Variants in IL20 observed in about 807,000 individuals in gnomAD.
IL20 encodes the protein interleukin-20.
Under a neutral mutation model 19.2 loss-of-function variants are expected in IL20, and 22 were observed. The ratio of observed to expected loss-of-function variants is 1.15; its 90% CI spans 0.82 to 1.64. The LOEUF (loss-of-function observed/expected upper bound fraction) is 1.64. Ranked by LOEUF, IL20 falls within the 40% of genes most tolerant of loss-of-function variation. The pLI is 0.00. For missense variants in IL20, 215 were observed against 212.8 expected (o/e 1.01, Z -0.06); for synonymous variants, 70 against 76.2 (o/e 0.92, Z 0.43).
Position 206,865,968 on chromosome 1 carries a change from T to C in IL20, c.116T>C (p.Leu39Pro), listed in dbSNP as rs767929654. ...NLGSCVIATN[L>P]QEIRNGFSEI... ...GGAAGCTGTGTGATCGCCACAAACC[T>C]TCAGGAAATACGAAATGGATTTTCT... Residue 39 changes from leucine (L) to proline (P), a missense_variant, in exon 2 of 6, where the codon CTT (leucine) becomes CCT (proline). Coordinates refer to ENST00000367098, the MANE Select transcript of IL20 (RefSeq NM_018724.4). The surrounding 1 kb of genome is among the most constrained non-coding windows in gnomAD (Gnocchi z 4.1). The C allele has an allele frequency of 6.2e-7, 1 of 1,614,140 alleles. No homozygotes were observed. The highest frequency in any genetic ancestry group is 1.1e-5 in the South Asian group (1 of 91,084).
At position 206,866,345 on chromosome 1, in the gene IL20, A is replaced by G. The variant is rs748425719; in HGVS notation, c.206A>G (p.Glu69Gly). 1.2e-6 allele frequency: 2 copies of G among 1,614,098 alleles called. No individual in the cohort carries two copies. Among genetic ancestry groups the G allele is most frequent in the East Asian group, 2.2e-5 (1 of 44,880 alleles). The change falls in exon 3 of 6, where the codon GAG (glutamate) becomes GGG (glycine). Residue 69 changes from glutamate (E) to glycine (G), a missense_variant. Glu to Gly is a moderately conservative substitution (Grantham distance 98, BLOSUM62 -2). Coordinates refer to ENST00000367098, the MANE Select transcript of IL20 (RefSeq NM_018724.4). ...GACATCAGAATCTTAAGGAGGACTG[A>G]GTCTTTGCAAGACACAAAGGTATGT... Reference protein sequence around the residue: ...NIDIRILRRTESLQDTKPANR... With the variant: ...NIDIRILRRTGSLQDTKPANR...
Position 206,867,446 on chromosome 1 carries a change from T to A in IL20, c.441T>A (p.Ser147Arg), listed in dbSNP as rs771680279. 1 of 1,613,688 alleles carries A rather than the reference T, an allele frequency of 6.2e-7. No homozygotes were observed. Among genetic ancestry groups the A allele is most frequent in the Non-Finnish European group, 8.5e-7 (1 of 1,179,642 alleles). The change falls in exon 5 of 6, where the codon AGT becomes AGA. Residue 147 changes from serine to arginine, a missense_variant. Transcript: ENST00000367098. ...EAMKKYSQIL[S>R]HFEKLEPQAA... ...TGAAGAAATACAGCCAGATTCTGAG[T>A]CACTTTGAAAAGGTATATGCGACTT...
chr1:206,864,690 T>C (rs1181762549), upstream of IL20, among the ~76,000 whole-genome samples: 1 of 152,156 alleles, frequency 6.6e-6, no homozygotes, highest in East Asian at 1.9e-4. Flanking sequence ...ATGTGAATAG[T>C]GGTACAAATT....
In IL20 at chr1:206,866,651, T is replaced by C; in HGVS notation, c.378+15T>C. The C allele has an allele frequency of 6.2e-7, 1 of 1,613,126 alleles. No homozygotes were observed. The highest frequency in any genetic ancestry group is 1.1e-5 in the South Asian group (1 of 91,032). On this transcript the variant is annotated intron_variant, in intron 4 of 5. Transcript: ENST00000367098. ...TCCGGCTCTGTGTGAGTGTGGGTCT[T>C]GGGTGACAGGATGCATCTCAGCACA...
At chr1:206,866,764 G>A in intron 4 of IL20, 128 bp downstream of exon 4, 1 of 940,072 alleles carries the variant, frequency 1.1e-6, no homozygotes. Context: ...AATAATCTGT[G>A]TTGAGACATG....
rs778123174 is a variant in IL20 at position 206,868,469 on chromosome 1, G to A, written c.454-18G>A. 2 of 1,574,598 alleles carry A rather than the reference G, an allele frequency of 1.3e-6. No individual in the cohort carries two copies. Among genetic ancestry groups the A allele is most frequent in the Non-Finnish European group, 1.7e-6 (2 of 1,158,576 alleles). The stretch of plus-strand genomic sequence containing the variant: ...TGTCTCATGAATTGCTAACCACATG[G>A]GTGTGTGTCTCTTTCAGCTGGAACC... On this transcript the variant is annotated intron_variant, in intron 5 of 5. Coordinates refer to ENST00000367098, the MANE Select transcript of IL20 (RefSeq NM_018724.4).
chr1:206,863,991 A>G (rs1480265973), upstream of IL20, among the ~76,000 whole-genome samples: 2 of 152,220 alleles, frequency 1.3e-5, no homozygotes, highest in African/African-American at 2.4e-5. Context: ...TAAGAAAATT[A>G]AACTCAGAGG....
rs151121611 is a variant in IL20 at position 206,865,943 on chromosome 1, G to A, written c.91G>A (p.Gly31Arg). ...CACTGGACTGAAGACACTCAATTTG[G>A]GAAGCTGTGTGATCGCCACAAACCT... ...PSTGLKTLNL[G>R]SCVIATNLQE... Residue 31 changes from glycine (G) to arginine (R), a missense_variant, in exon 2 of 6, where the codon GGA becomes AGA. Coordinates refer to ENST00000367098, the MANE Select transcript of IL20 (RefSeq NM_018724.4). The surrounding 1 kb of genome is among the most constrained non-coding windows in gnomAD (Gnocchi z 4.1). The A allele has an allele frequency of 1.2e-4, 199 of 1,613,968 alleles. No individual in the cohort carries two copies. Among genetic ancestry groups the A allele is most frequent in the Non-Finnish European group, 1.6e-4 (191 of 1,180,022 alleles).
At chr1:206,867,573 C>A in intron 5 of IL20, 115 bp downstream of exon 5, 1 of 873,176 alleles carries the variant, frequency 1.1e-6, no homozygotes, top group Non-Finnish European at 1.9e-6. Context: ...TCATAGCCCT[C>A]TGAAATCATG....
rs1677542698 is a variant in IL20 at position 206,866,299 on chromosome 1, C to T, written c.160C>T (p.Gln54Ter). 6.2e-7 allele frequency: 1 copy of T among 1,613,902 alleles called. No homozygotes were observed. The highest frequency in any genetic ancestry group is 8.5e-7 in the Non-Finnish European group (1 of 1,179,918). Residue 54 changes from glutamine (Q) to a stop codon, truncating the protein, a stop_gained and splice_region_variant, in exon 3 of 6, where the codon CAA becomes TAA. Transcript: ENST00000367098. LOFTEE classifies it high-confidence loss of function. ...GCTTGTTTTGTCTTCTTCTGTTTAG[C>T]AAGCCAAAGATGGAAACATTGACAT... ...NGFSEIRGSV[Q>*]AKDGNIDIRI... is the part of the protein sequence containing the mutation.
Position 206,866,525 on chromosome 1 carries a change from C to T in IL20, c.267C>T (p.Leu89=), listed in dbSNP as rs904999556. 6.2e-6 allele frequency: 10 copies of T among 1,614,132 alleles called. No homozygotes were observed. The highest frequency in any genetic ancestry group is 8.5e-6 in the Non-Finnish European group (10 of 1,180,004). Residue 89 remains leucine (L), a synonymous_variant, in exon 4 of 6, where the codon CTC becomes CTT. Transcript: ENST00000367098. ...RCCLLRHLLR[L]YLDRVFKNYQ... is the part of the protein sequence containing the mutation. ...GCCTCCTGCGCCATTTGCTAAGACT[C>T]TATCTGGACAGGGTATTTAAAAACT... is the stretch of plus-strand genomic sequence containing the variant.
At chr1:206,868,421 G>A in intron 5 of IL20, 66 bp from the exon 6 acceptor site, 2 of 1,130,424 alleles carry the variant, frequency 1.8e-6, no homozygotes, top group East Asian at 2.7e-5. Context: ...ATCCATAAAA[G>A]AGATAGGTCC....
In IL20 at chr1:206,865,748, C is replaced by A; in HGVS notation, c.-31+62C>A. 1.3e-6 allele frequency: 2 copies of A among 1,512,758 alleles called. No homozygotes were observed. Among genetic ancestry groups the A allele is most frequent in the Non-Finnish European group, 1.8e-6 (2 of 1,128,668 alleles). 93.7% of individuals were successfully genotyped at this position (1,512,758 alleles called of 1,614,324 possible). On this transcript the variant is annotated intron_variant, in intron 1 of 5. Transcript: ENST00000367098. This position sits in a 1 kb window ranked among gnomAD's most constrained non-coding sequence, Gnocchi z 4.1. ...GATAAGGCTGTTCTCTTCCCCTGAC[C>A]CCCCACCCCTCACCCCGTGGACACT...
At chr1:206,866,725 T>A in intron 4 of IL20, 89 bp downstream of exon 4, 1 of 1,275,216 alleles carries the variant, frequency 7.8e-7, no homozygotes, top group African/African-American at 1.5e-5. Flanking sequence ...CTCCATTTAA[T>A]GGATGGAGAA....
Position 206,868,559 on chromosome 1 carries a change from G to A in IL20, c.526G>A (p.Glu176Lys). The change falls in exon 6 of 6, where the codon GAA becomes AAA. Residue 176 changes from glutamate to lysine, a missense_variant. By Grantham distance (56) the Glu-to-Lys change is moderately conservative. Coordinates refer to ENST00000367098, the MANE Select transcript of IL20 (RefSeq NM_018724.4). ...TCTTCTGCAATGGATGGAGGAGACA[G>A]AATAGGAGGAAAGTGATGCTGCTGC... is the stretch of plus-strand genomic sequence containing the variant. Reference protein sequence around the residue: ...DILLQWMEETE With the variant: ...DILLQWMEETK The A allele has an allele frequency of 1.9e-6, 3 of 1,601,044 alleles. No homozygotes were observed. The highest frequency in any genetic ancestry group is 1.1e-5 in the South Asian group (1 of 88,642).
intron 5 of IL20, 36 bp downstream of exon 5, chr1:206,867,494 G>T: frequency 6.4e-7 from 1 of 1,550,430 alleles, no homozygotes; most frequent in South Asian, 1.1e-5. Context: ...GGATGGGTGT[G>T]TTTTAAGAAC....
intron 2 of IL20, 80 bp from the exon 3 acceptor site, chr1:206,866,219 G>A: frequency 7.2e-7 from 1 of 1,389,340 alleles, no homozygotes; most frequent in East Asian, 2.3e-5. Context: ...TTGGCAGGGA[G>A]TGGATGAGAA....
chr1:206,867,314 G>C (rs2232360), intron 4 of IL20, 70 bp from the exon 5 acceptor site: 89 of 1,359,492 alleles, frequency 6.5e-5, no homozygotes, highest in Non-Finnish European at 8.5e-5. Context: ...TAGAGTTTCT[G>C]CCTGCTTCAT....
rs770613592 is a variant in IL20, at chr1:206,866,010, T to A, written c.158T>A (p.Val53Glu). 6.2e-7 allele frequency: 1 copy of A among 1,614,056 alleles called. No homozygotes were observed. The change falls in exon 2 of 6, where the codon GTG (valine) becomes GAG (glutamate). Residue 53 changes from valine to glutamate, a missense_variant and splice_region_variant. Transcript: ENST00000367098. ...RNGFSEIRGS[V>E]QAKDGNIDIR... ...GGATTTTCTGAGATACGGGGCAGTG[T>A]GGTACGTAAGCGGGTATCTACCTCT...
Sources: allele counts gnomAD v4.1 joint callset (sites outside exome capture counted in the v4.1 genomes callset), GRCh38; gene constraint gnomAD v4.1.1; non-coding constraint Gnocchi (gnomAD v3.1); transcripts MANE v1.5; gene names NCBI Gene and HGNC (gene_info 2026-07-23, HGNC 2026-07-21).